MAGI3: variants seen among roughly 807,000 people sequenced by gnomAD.
MAGI3 encodes membrane-associated guanylate kinase, WW and PDZ domain-containing protein 3.
In MAGI3, 43 loss-of-function variants were observed where a neutral mutation model predicts 121.8. That is an observed-to-expected ratio of 0.35 (90% CI 0.28 to 0.46). The LOEUF (loss-of-function observed/expected upper bound fraction) is 0.46, where lower values mean the gene tolerates loss of function less well. Ranked by LOEUF, MAGI3 falls within the 20% of genes least tolerant of loss-of-function variation. The pLI, the probability that MAGI3 is intolerant of heterozygous loss-of-function variation, is 1.00. For missense variants in MAGI3, 1,547 were observed against 1,797.3 expected (o/e 0.86, Z 2.52); for synonymous variants, 553 against 639.3 (o/e 0.86, Z 2.04).
chr1:113,413,237 A>G (rs1029068921), intron 1 of MAGI3, among the ~76,000 whole-genome samples: 7 of 152,054 alleles, frequency 4.6e-5, no homozygotes, highest in Non-Finnish European at 1.0e-4. Context: ...ATTGGCCTAT[A>G]TATCTGTTTT....
intron 1 of MAGI3, among the ~76,000 whole-genome samples, chr1:113,438,399 T>C (rs1653745282): frequency 6.6e-6 from 1 of 152,192 alleles, no homozygotes; most frequent in South Asian, 2.1e-4. Flanking sequence ...TTTAATGCCT[T>C]TTCCATCTTA....
chr1:113,618,000 G>T (rs1650581593), intron 7 of MAGI3, among the ~76,000 whole-genome samples: 1 of 152,170 alleles, frequency 6.6e-6, no homozygotes, highest in African/African-American at 2.4e-5. Context: ...ATATGTAGTA[G>T]TAGCCTGAGT....
At chr1:113,478,480 G>C (rs1006544242) in intron 1 of MAGI3, among the ~76,000 whole-genome samples, 1 of 152,186 alleles carries the variant, frequency 6.6e-6, no homozygotes, top group Non-Finnish European at 1.5e-5. Context: ...CTAACAGTCA[G>C]TTCCCTCAGC....
rs1008265470 is a variant in MAGI3 at position 113,422,786 on chromosome 1, G to A, written c.316+31437G>A. Among the ~76,000 whole-genome samples, 2 of 152,200 alleles carry A rather than the reference G, an allele frequency of 1.3e-5. No homozygotes were observed. Among genetic ancestry groups the A allele is most frequent in the Non-Finnish European group, 2.9e-5 (2 of 68,022 alleles). On this transcript the variant is annotated intron_variant, in intron 1 of 20. Transcript: ENST00000307546. This position sits in a 1 kb window ranked among gnomAD's most constrained non-coding sequence, Gnocchi z 4.3. ...GGGGGAGGCATGTTTCGGGGGGCAT[G>A]TTTTGGCCCAATTGTGTTATAGCTC...
At chr1:113,419,050 A>G (rs977885028) in intron 1 of MAGI3, among the ~76,000 whole-genome samples, 1 of 152,264 alleles carries the variant, frequency 6.6e-6, no homozygotes, top group South Asian at 2.1e-4. Flanking sequence ...TGGCTTAACT[A>G]ATGCAGTACT....
intron 6 of MAGI3, among the ~76,000 whole-genome samples, chr1:113,602,078 G>T (rs558947797): frequency 1.6e-5 from 2 of 124,876 alleles, no homozygotes; most frequent in Middle Eastern, 3.8e-3. Flanking sequence ...GCTGTGGGGT[G>T]GGGGGAGTGG....
intron 4 of MAGI3, 26 bp from the exon 5 acceptor site, chr1:113,590,458 C>T: frequency 6.2e-7 from 1 of 1,610,418 alleles, no homozygotes; most frequent in Non-Finnish European, 8.5e-7. Context: ...CCACTTTTCA[C>T]ACCTTTCTGT....
chr1:113,682,160 A>ATTTTTTT, intron 20 of MAGI3: 2 of 1,404,022 alleles, frequency 1.4e-6, no homozygotes, highest in South Asian at 1.4e-5. Flanking sequence ...AACTGCACTG[A>ATTTTTTT]TTTTTTTTTT....
rs576833444 is a variant in MAGI3 at position 113,455,224 on chromosome 1, G to A, written c.316+63875G>A. Among the ~76,000 whole-genome samples the A allele has an allele frequency of 1.6e-3, 249 of 152,156 alleles. 1 individual carries two copies. The highest frequency in any genetic ancestry group is 2.7e-3 in the Non-Finnish European group (187 of 68,008). ...AATCTAATTGGAAAAGAAAAAGAAC[G>A]GGGGAAATCATTTAAAAAGTTAAAA... On this transcript the variant is annotated intron_variant, in intron 1 of 20. Coordinates refer to ENST00000307546, the MANE Select transcript of MAGI3 (RefSeq NM_001142782.2).
At chr1:113,399,728 T>C (rs1651302311) in intron 1 of MAGI3, among the ~76,000 whole-genome samples, 1 of 152,160 alleles carries the variant, frequency 6.6e-6, no homozygotes, top group Non-Finnish European at 1.5e-5. Flanking sequence ...TTCTCTAAAA[T>C]CAATGCTGTT....
At chr1:113,630,444 C>G (rs1651553325) in intron 9 of MAGI3, among the ~76,000 whole-genome samples, 1 of 152,134 alleles carries the variant, frequency 6.6e-6, no homozygotes, top group Admixed American at 6.5e-5. Flanking sequence ...GCGTGGTGCT[C>G]TACCCTACTG....
rs1346577610 is a variant in MAGI3 at position 113,422,314 on chromosome 1, T to G, written c.316+30965T>G. On this transcript the variant is annotated intron_variant, in intron 1 of 20. Transcript: ENST00000307546. This position sits in a 1 kb window ranked among gnomAD's most constrained non-coding sequence, Gnocchi z 4.3. ...TTACTTCTATTCATTTGTGCATGTG[T>G]ATGTGTGACAGCATCCTTAGGGTGT... Among the ~76,000 whole-genome samples, 2 of 152,256 alleles carry G rather than the reference T, an allele frequency of 1.3e-5. No homozygotes were observed. Among genetic ancestry groups the G allele is most frequent in the Non-Finnish European group, 2.9e-5 (2 of 68,042 alleles).
chr1:113,656,866 C>G (rs1262650497), intron 15 of MAGI3, among the ~76,000 whole-genome samples: 3 of 152,144 alleles, frequency 2.0e-5, no homozygotes, highest in African/African-American at 7.2e-5. Flanking sequence ...GTCTAGCATC[C>G]TCACAATTTG....
At chr1:113,639,839 A>G (rs1298093844) in intron 9 of MAGI3, among the ~76,000 whole-genome samples, 2 of 152,032 alleles carry the variant, frequency 1.3e-5, no homozygotes, top group Non-Finnish European at 2.9e-5. Flanking sequence ...AAGTGCGGGG[A>G]TTACAGGCGT....
At chr1:113,629,729 C>CTT (rs1651476947) in intron 9 of MAGI3, among the ~76,000 whole-genome samples, 1 of 111,930 alleles carries the variant, frequency 8.9e-6, no homozygotes, top group Non-Finnish European at 1.8e-5. Flanking sequence ...AGTCAGTCTC[C>CTT]CTCTCTCTCT....
At chr1:113,457,885 C>T (rs1250845503) in intron 1 of MAGI3, among the ~76,000 whole-genome samples, 1 of 152,176 alleles carries the variant, frequency 6.6e-6, no homozygotes, top group Non-Finnish European at 1.5e-5. Context: ...GCCATGAGGG[C>T]ACCTGTTCTA....
At chr1:113,419,052 T>C (rs1652600116) in intron 1 of MAGI3, among the ~76,000 whole-genome samples, 1 of 152,168 alleles carries the variant, frequency 6.6e-6, no homozygotes, top group South Asian at 2.1e-4. Context: ...GCTTAACTAA[T>C]GCAGTACTTG....
chr1:113,630,331 C>A (rs932752703), intron 9 of MAGI3, among the ~76,000 whole-genome samples: 1 of 152,126 alleles, frequency 6.6e-6, no homozygotes, highest in African/African-American at 2.4e-5. Flanking sequence ...TGCTGTCAGG[C>A]CTGGGACTCA....
At position 113,566,137 on chromosome 1, in the gene MAGI3, A is replaced by G. The variant is rs535513792; in HGVS notation, c.434-14405A>G. Among the ~76,000 whole-genome samples the G allele has an allele frequency of 2.0e-5, 3 of 152,338 alleles. No individual in the cohort carries two copies. The East Asian group carries it at 5.8e-4, about 29-fold the overall frequency. On this transcript the variant is annotated intron_variant, in intron 2 of 20. Coordinates refer to ENST00000307546, the MANE Select transcript of MAGI3 (RefSeq NM_001142782.2). ...ATCAACCGCAGCTCTCATATATTGCAGGTGGGAATGCAAAGACATCTACTT... is the reference window on the plus strand; with the variant it reads ...ATCAACCGCAGCTCTCATATATTGCGGGTGGGAATGCAAAGACATCTACTT...
Sources: gnomAD v4.1 joint callset for allele counts (sites outside exome capture counted in the v4.1 genomes callset) on GRCh38, gnomAD v4.1.1 for gene constraint, Gnocchi (gnomAD v3.1) non-coding constraint, MANE v1.5 for transcripts, NCBI Gene and HGNC (gene_info 2026-07-23, HGNC 2026-07-21) for gene names.